SLC14A2: variants seen among roughly 807,000 people sequenced by gnomAD.
SLC14A2 encodes the protein urea transporter 2.
In SLC14A2, 91 loss-of-function variants were observed where a neutral mutation model predicts 104.6. The observed-to-expected ratio is 0.87, with a 90% CI of 0.73 to 1.04. The LOEUF (loss-of-function observed/expected upper bound fraction) is 1.04, where lower values mean the gene tolerates loss of function less well. Ranked by LOEUF, SLC14A2 falls within the 50% of genes least tolerant of loss-of-function variation. The pLI, the probability that SLC14A2 is intolerant of heterozygous loss-of-function variation, is 0.00. For missense variants in SLC14A2, 1,189 were observed against 1,156.0 expected (o/e 1.03, Z -0.41); for synonymous variants, 476 against 466.4 (o/e 1.02, Z -0.27).
At chr18:45,671,895 G>A (rs974787260) in intron 16 of SLC14A2, among the ~76,000 whole-genome samples, 1 of 152,222 alleles carries the variant, frequency 6.6e-6, no homozygotes, top group East Asian at 1.9e-4. Context: ...TGTGGCTGGG[G>A]AAGCCCGCAT....
At position 45,338,562 on chromosome 18, in the gene SLC14A2, A is replaced by G. The variant is rs139611814; in HGVS notation, c.-125+125371A>G. On this transcript the variant is annotated intron_variant, in intron 1 of 20. Coordinates refer to the SLC14A2 transcript ENST00000586448. ...CTTTCATGTATTGATTCATGATTTTACCTACAATTTCTGCCTCTCTAAAGT... is the reference window on the plus strand; with the variant it reads ...CTTTCATGTATTGATTCATGATTTTGCCTACAATTTCTGCCTCTCTAAAGT... Among the ~76,000 whole-genome samples the G allele has an allele frequency of 3.0e-3, 455 of 151,726 alleles. 3 individuals are homozygous for G. The highest frequency in any genetic ancestry group is 0.01 in the African/African-American group (432 of 41,300).
intron 1 of SLC14A2, among the ~76,000 whole-genome samples, chr18:45,273,702 G>A (rs1400666263): frequency 6.6e-6 from 1 of 152,134 alleles, no homozygotes; most frequent in Non-Finnish European, 1.5e-5. Context: ...CAGGAGCTAG[G>A]AGGCAAGATG....
At chr18:45,352,375 T>C (rs1424637253) in intron 1 of SLC14A2, among the ~76,000 whole-genome samples, 2 of 152,136 alleles carry the variant, frequency 1.3e-5, no homozygotes, top group Non-Finnish European at 2.9e-5. Flanking sequence ...TAGAGACGAA[T>C]TGTTCATGAC....
chr18:45,286,920 C>A (rs1366817146), intron 1 of SLC14A2, among the ~76,000 whole-genome samples: 1 of 152,172 alleles, frequency 6.6e-6, no homozygotes, highest in African/African-American at 2.4e-5. Flanking sequence ...ATTAAACAGG[C>A]CACCCAGCCC....
At chr18:45,637,918 G>C (rs1426171673) in intron 6 of SLC14A2, among the ~76,000 whole-genome samples, 1 of 152,182 alleles carries the variant, frequency 6.6e-6, no homozygotes, top group Non-Finnish European at 1.5e-5. Context: ...TGTCAGCTGC[G>C]GCCTGGGAGC....
At chr18:45,526,188 C>T (rs375496068) in intron 2 of SLC14A2, among the ~76,000 whole-genome samples, 4 of 152,192 alleles carry the variant, frequency 2.6e-5, no homozygotes, top group African/African-American at 9.6e-5. Flanking sequence ...GCTTGCACAA[C>T]CATTCTCTTC....
chr18:45,543,073 C>T (rs1028358833), intron 2 of SLC14A2, among the ~76,000 whole-genome samples: 27 of 151,886 alleles, frequency 1.8e-4, no homozygotes, highest in Admixed American at 1.0e-3. Flanking sequence ...CTCAGCCTCC[C>T]GAGTAGCTGG....
At chr18:45,568,971 T>C (rs569576731) in intron 2 of SLC14A2, among the ~76,000 whole-genome samples, 1 of 152,334 alleles carries the variant, frequency 6.6e-6, no homozygotes, top group South Asian at 2.1e-4. Flanking sequence ...TAAGCTGTTA[T>C]GGACTGAGAG....
At chr18:45,348,450 C>A (rs1411034364) in intron 1 of SLC14A2, among the ~76,000 whole-genome samples, 5 of 152,160 alleles carry the variant, frequency 3.3e-5, no homozygotes, top group Admixed American at 2.6e-4. Flanking sequence ...TGGGACTCAA[C>A]TCCTTCACTG....
At chr18:45,243,516 A>G (rs1055145289) in intron 1 of SLC14A2, among the ~76,000 whole-genome samples, 5 of 152,222 alleles carry the variant, frequency 3.3e-5, no homozygotes, top group Admixed American at 3.3e-4. Context: ...TGGGGAAACT[A>G]GGGTTACCCT....
intron 1 of SLC14A2, among the ~76,000 whole-genome samples, chr18:45,287,873 C>T (rs1341458251): frequency 6.6e-6 from 1 of 152,174 alleles, no homozygotes. Context: ...GCAGGACCTA[C>T]ACTAGCACAG....
At chr18:45,639,918 G>A in intron 7 of SLC14A2, 25 bp downstream of exon 7, 1 of 1,606,462 alleles carries the variant, frequency 6.2e-7, no homozygotes, top group Non-Finnish European at 8.5e-7. Context: ...CCTCTCTTCA[G>A]GTCCTCAGGA....
intron 1 of SLC14A2, among the ~76,000 whole-genome samples, chr18:45,618,542 G>A (rs1325471352): frequency 6.6e-6 from 1 of 151,820 alleles, no homozygotes; most frequent in Non-Finnish European, 1.5e-5. Flanking sequence ...GGTGGCAGGC[G>A]CCTGTAATCC....
chr18:45,347,779 A>G (rs1330371101), intron 1 of SLC14A2, among the ~76,000 whole-genome samples: 1 of 152,230 alleles, frequency 6.6e-6, no homozygotes, highest in African/African-American at 2.4e-5. Context: ...GACTTAGTAT[A>G]AACTTCCATG....
chr18:45,454,936 G>A (rs537775318), intron 1 of SLC14A2, among the ~76,000 whole-genome samples: 23 of 152,286 alleles, frequency 1.5e-4, no homozygotes, highest in South Asian at 4.1e-4. Context: ...GTCAGGTAGC[G>A]TGATGCCTCC....
the SLC14A2 span, among the ~76,000 whole-genome samples, chr18:45,205,979 T>C: frequency 6.6e-6 from 1 of 152,196 alleles, no homozygotes; most frequent in Non-Finnish European, 1.5e-5. Context: ...GAGCTCTGCA[T>C]TTAGCATAAG....
intron 1 of SLC14A2, among the ~76,000 whole-genome samples, chr18:45,220,374 C>G (rs1475635079): frequency 6.6e-6 from 1 of 152,216 alleles, no homozygotes; most frequent in South Asian, 2.1e-4. Flanking sequence ...TTACTACGCA[C>G]AGACTAAAAG....
At chr18:45,456,724 G>A (rs963600449) in intron 1 of SLC14A2, among the ~76,000 whole-genome samples, 2 of 147,234 alleles carry the variant, frequency 1.4e-5, no homozygotes, top group Non-Finnish European at 3.0e-5. Flanking sequence ...AGAGAGTGGT[G>A]TTTTTTTCCT....
chr18:45,213,787 C>T (rs1381597634), intron 1 of SLC14A2, among the ~76,000 whole-genome samples: 1 of 152,170 alleles, frequency 6.6e-6, no homozygotes, highest in East Asian at 1.9e-4. Context: ...GTTCAGGCTG[C>T]TTATGTCACA....
Sources: allele counts gnomAD v4.1 joint callset (sites outside exome capture counted in the v4.1 genomes callset), GRCh38; gene constraint gnomAD v4.1.1; transcripts MANE v1.5; gene names NCBI Gene and HGNC (gene_info 2026-07-23, HGNC 2026-07-21).